The following DBNL variants were observed in gnomAD, a reference collection of about 807,000 sequenced individuals.
DBNL encodes drebrin-like protein.
In DBNL, 35 loss-of-function variants were observed where a neutral mutation model predicts 62.2. The observed-to-expected ratio is 0.56, with a 90% CI of 0.43 to 0.75. The LOEUF (loss-of-function observed/expected upper bound fraction) is 0.75, where lower values mean the gene tolerates loss of function less well. Among genes scored for constraint, DBNL ranks in the 30% least tolerant of loss-of-function variants. The pLI, the probability that DBNL is intolerant of heterozygous loss-of-function variation, is 0.00. For missense variants in DBNL, 495 were observed against 578.4 expected (o/e 0.86, Z 1.48); for synonymous variants, 197 against 218.0 (o/e 0.90, Z 0.85).
chr7:44,059,394 A>G lies in DBNL; in HGVS notation c.876A>G (p.Gln292=). ...RSPFLQKQLT[Q]PETHFGREPA... ...CCTTCCTGCAGAAGCAGCTCACCCA[A>G]CCAGAGACCCACTTTGGCAGAGAGC... Residue 292 remains glutamine, a synonymous_variant, in exon 10 of 13, where the codon CAA becomes CAG. Transcript: ENST00000448521. This position sits in a 1 kb window ranked among gnomAD's most constrained non-coding sequence, Gnocchi z 4.1. 1.9e-6 allele frequency: 3 copies of G among 1,614,074 alleles called. No individual in the cohort carries two copies. The highest frequency in any genetic ancestry group is 2.5e-6 in the Non-Finnish European group (3 of 1,179,986).
intron 1 of DBNL, among the ~76,000 whole-genome samples, chr7:44,046,437 G>A (rs1295528224): frequency 6.6e-6 from 1 of 152,124 alleles, no homozygotes; most frequent in Non-Finnish European, 1.5e-5. Context: ...GACCTCCTAT[G>A]TTCCTAGCCT....
In DBNL at chr7:44,063,061, G is replaced by T; in HGVS notation, c.*2145G>T. On this transcript the variant is annotated 3_prime_UTR_variant, in exon 13 of 13. Coordinates refer to ENST00000448521, the MANE Select transcript of DBNL (RefSeq NM_001014436.3). Reference sequence around the variant, plus strand: ...AATTCCTTCCCAGCCCTGAGAACGAGGCCACAGAAATGTTGCCAAAGGTCA... The same window carrying T: ...AATTCCTTCCCAGCCCTGAGAACGATGCCACAGAAATGTTGCCAAAGGTCA... 1.0e-6 allele frequency: 1 copy of T among 979,854 alleles called. No homozygotes were observed. The highest frequency in any genetic ancestry group is 2.5e-5 in the East Asian group (1 of 39,830). 60.7% of individuals were successfully genotyped at this position (979,854 alleles called of 1,614,324 possible). A position where few individuals can be genotyped will look rare whatever the true frequency, so the allele number is the denominator to read the frequency against.
In DBNL at chr7:44,065,283, G is replaced by A. The variant is rs748139888; in HGVS notation, c.*4367G>A. The A allele has an allele frequency of 2.5e-6, 4 of 1,613,544 alleles. No homozygotes were observed. The highest frequency in any genetic ancestry group is 3.4e-6 in the Non-Finnish European group (4 of 1,180,036). ...TGCCGCTCATTGAGGCGCCAAGTGC[G>A]CACCACAGGCAGCCACATCTGGTCC... On this transcript the variant is annotated 3_prime_UTR_variant, in exon 13 of 13. Transcript: ENST00000448521.
Position 44,064,830 on chromosome 7 carries a change from A to C in DBNL, c.*3914A>C, listed in dbSNP as rs1265968514. 6.8e-7 allele frequency: 1 copy of C among 1,479,070 alleles called. No homozygotes were observed. The highest frequency in any genetic ancestry group is 9.1e-7 in the Non-Finnish European group (1 of 1,098,096). 91.6% of individuals were successfully genotyped at this position (1,479,070 alleles called of 1,614,324 possible). ...TGCCCAGGCTCCTGAAGGTGGCCTC[A>C]CCTTCCAGGTGCTTGACAATGCCCC... On this transcript the variant is annotated 3_prime_UTR_variant, in exon 13 of 13. Transcript: ENST00000448521.
rs768092515 is a variant in DBNL at position 44,065,844 on chromosome 7, C to T, written c.*4928C>T. ...GCTGGTCAGGGATGGGCGTGAAGGG[C>T]AGAAGTCTGGGCCAGGGGAGATGGG... On this transcript the variant is annotated 3_prime_UTR_variant, in exon 13 of 13. Coordinates refer to ENST00000448521, the MANE Select transcript of DBNL (RefSeq NM_001014436.3). The T allele has an allele frequency of 5.7e-4, 277 of 489,854 alleles. No homozygotes were observed. Among genetic ancestry groups the T allele is most frequent in the Admixed American group, 1.0e-3 (32 of 30,480 alleles). 30.3% of individuals were successfully genotyped at this position (489,854 alleles called of 1,614,324 possible).
At chr7:44,058,371 G>C (rs2096140921) in intron 7 of DBNL, 61 bp from the exon 8 acceptor site, 2 of 1,613,134 alleles carry the variant, frequency 1.2e-6, no homozygotes, top group South Asian at 2.2e-5. Context: ...AGGACTAAGG[G>C]GTGTGGCATG....
At position 44,064,753 on chromosome 7, in the gene DBNL, C is replaced by T. The variant is rs548466427; in HGVS notation, c.*3837C>T. 1.7e-4 allele frequency: 211 copies of T among 1,275,024 alleles called. No individual in the cohort carries two copies. In the African/African-American group the frequency reaches 2.6e-3, roughly 16 times the overall value. 79.0% of individuals were successfully genotyped at this position (1,275,024 alleles called of 1,614,324 possible). ...ACGCCTAGAAAGCCTGGTCCATGGG[C>T]GAGAGACTTTGCTGAGATGAGAAGC... On this transcript the variant is annotated 3_prime_UTR_variant, in exon 13 of 13. Transcript: ENST00000448521.
chr7:44,058,999 G>A lies in DBNL; in HGVS notation c.835+16G>A, dbSNP rs763329342. 2.1e-5 allele frequency: 34 copies of A among 1,613,496 alleles called. No individual in the cohort carries two copies. The highest frequency in any genetic ancestry group is 2.4e-5 in the Non-Finnish European group (28 of 1,179,808). On this transcript the variant is annotated intron_variant, in intron 9 of 12. Coordinates refer to ENST00000448521, the MANE Select transcript of DBNL (RefSeq NM_001014436.3). ...CCTCAGCCTGGTGAGCTCTCCCTTT[G>A]GGCCTGGCCATGAGGCAGCAGCAGG...
At chr7:44,047,746 T>C (rs1405823097) in intron 1 of DBNL, among the ~76,000 whole-genome samples, 1 of 152,102 alleles carries the variant, frequency 6.6e-6, no homozygotes, top group Non-Finnish European at 1.5e-5. Context: ...TTTTTCATGT[T>C]GATTTGAAAC....
chr7:44,049,706 C>T (rs1305442134), intron 1 of DBNL, among the ~76,000 whole-genome samples: 1 of 152,192 alleles, frequency 6.6e-6, no homozygotes, highest in Non-Finnish European at 1.5e-5. Context: ...GACCTGCTGC[C>T]CTACCCACCA....
chr7:44,059,737 T>TG lies in DBNL; in HGVS notation c.1047+84dup, dbSNP rs1350911625. On this transcript the variant is annotated intron_variant, in intron 11 of 12. Coordinates refer to ENST00000448521, the MANE Select transcript of DBNL (RefSeq NM_001014436.3). This position sits in a 1 kb window ranked among gnomAD's most constrained non-coding sequence, Gnocchi z 4.1. ...CTTATCACGGGCCGCCTGAGTTTTCTGGGGGCATGCAACAGGTTTTAAAGC... is the reference window on the plus strand; with the variant it reads ...CTTATCACGGGCCGCCTGAGTTTTCTGGGGGGCATGCAACAGGTTTTAAAGC... 7.4e-7 allele frequency: 1 copy of TG among 1,352,210 alleles called. No homozygotes were observed. Among genetic ancestry groups the TG allele is most frequent in the African/African-American group, 1.5e-5 (1 of 68,876 alleles). The allele number at this position is 1,352,210 out of a possible 1,614,324, so 83.8% of individuals were successfully genotyped here.
At chr7:44,049,256 A>T (rs750704950) in intron 1 of DBNL, among the ~76,000 whole-genome samples, 30 of 152,284 alleles carry the variant, frequency 2.0e-4, no homozygotes, top group Non-Finnish European at 3.7e-4. Flanking sequence ...TCCCGGGTTC[A>T]TGCCATTCTC....
rs1350554743 is a variant in DBNL, at chr7:44,058,446, A to T, written c.719A>T (p.Gln240Leu). The change falls in exon 8 of 13, where the codon CAG (glutamine) becomes CTG (leucine). Residue 240 changes from glutamine (Q) to leucine (L), a missense_variant. By Grantham distance (113) the Gln-to-Leu change is moderately radical (BLOSUM62 -2). Transcript: ENST00000448521. ...CTTCCCAGCAGGACGTGGGAGCAGCAGCAAGAAGTGGTTTCAAGGAACCGA... is the reference window on the plus strand; with the variant it reads ...CTTCCCAGCAGGACGTGGGAGCAGCTGCAAGAAGTGGTTTCAAGGAACCGA... ...EASPQRTWEQ[Q>L]QEVVSRNRNE... The T allele has an allele frequency of 1.2e-6, 2 of 1,614,252 alleles. No individual in the cohort carries two copies. The highest frequency in any genetic ancestry group is 1.3e-5 in the African/African-American group (1 of 75,074).
At chr7:44,057,695 G>GC in intron 5 of DBNL, 87 bp from the exon 6 acceptor site, 1 of 1,488,886 alleles carries the variant, frequency 6.7e-7, no homozygotes, top group Non-Finnish European at 9.3e-7. Context: ...CTGTGCTGTC[G>GC]CAAGTTTAGC....
chr7:44,060,698 GGGGCTGCCGT>G lies in DBNL; in HGVS notation c.1154-70_1154-61del. 1 of 1,560,140 alleles carries G rather than the reference GGGGCTGCCGT, an allele frequency of 6.4e-7. No homozygotes were observed. The highest frequency in any genetic ancestry group is 8.7e-7 in the Non-Finnish European group (1 of 1,148,624). The stretch of plus-strand genomic sequence containing the variant: ...GCAGCGAGGTGTGCTGCAGCAGTGT[GGGGCTGCCGT>G]GGGCTGCCCGAGCAGGTGGGATGTG... On this transcript the variant is annotated intron_variant, in intron 12 of 12. Transcript: ENST00000448521. The surrounding 1 kb of genome is among the most constrained non-coding windows in gnomAD (Gnocchi z 6.3).
chr7:44,057,928 C>T, intron 6 of DBNL, 69 bp downstream of exon 6: 3 of 1,599,304 alleles, frequency 1.9e-6, no homozygotes, highest in Non-Finnish European at 2.6e-6. Context: ...TCTTTCCTCA[C>T]AAGTGAGCTC....
In DBNL at chr7:44,065,270, A is replaced by G; in HGVS notation, c.*4354A>G. 1 of 1,613,726 alleles carries G rather than the reference A, an allele frequency of 6.2e-7. No individual in the cohort carries two copies. Among genetic ancestry groups the G allele is most frequent in the Non-Finnish European group, 8.5e-7 (1 of 1,180,036 alleles). On this transcript the variant is annotated 3_prime_UTR_variant, in exon 13 of 13. Coordinates refer to ENST00000448521, the MANE Select transcript of DBNL (RefSeq NM_001014436.3). Reference sequence around the variant, plus strand: ...GAGGCCCCCGTAATGCCGCTCATTGAGGCGCCAAGTGCGCACCACAGGCAG... The same window carrying G: ...GAGGCCCCCGTAATGCCGCTCATTGGGGCGCCAAGTGCGCACCACAGGCAG...
rs2096158117 is a variant in DBNL at position 44,065,455 on chromosome 7, C to G, written c.*4539C>G. ...CCTTTTCACTCAGCTCTGCATCGAA[C>G]CAGCCACAGAAACGGTTCTCCTGGT... On this transcript the variant is annotated 3_prime_UTR_variant, in exon 13 of 13. Transcript: ENST00000448521. 1 of 1,614,064 alleles carries G rather than the reference C, an allele frequency of 6.2e-7. No individual in the cohort carries two copies. Among genetic ancestry groups the G allele is most frequent in the South Asian group, 1.1e-5 (1 of 91,092 alleles).
At chr7:44,047,575 AAAGT>A (rs1351689606) in intron 1 of DBNL, among the ~76,000 whole-genome samples, 1 of 152,176 alleles carries the variant, frequency 6.6e-6, no homozygotes, top group Non-Finnish European at 1.5e-5. Flanking sequence ...CTTCCGTTAG[AAAGT>A]AAGTTCCATG....
Sources: allele counts gnomAD v4.1 joint callset (sites outside exome capture counted in the v4.1 genomes callset), GRCh38; gene constraint gnomAD v4.1.1; non-coding constraint Gnocchi (gnomAD v3.1); transcripts MANE v1.5; gene names NCBI Gene and HGNC (gene_info 2026-07-23, HGNC 2026-07-21).